The following GALNT13 variants were observed in gnomAD, a reference collection of about 807,000 sequenced individuals.
GALNT13 encodes UDP-GalNAc:polypeptide N-acetylgalactosaminyltransferase 13.
A neutral mutation model predicts 64.2 loss-of-function variants in GALNT13; 28 were observed. The ratio of observed to expected loss-of-function variants is 0.44; its 90% CI spans 0.32 to 0.60. The LOEUF (loss-of-function observed/expected upper bound fraction) is 0.60. Among genes scored for constraint, GALNT13 ranks in the 20% least tolerant of loss-of-function variants. GALNT13 has a pLI of 0.05. For missense variants in GALNT13, 577 were observed against 669.8 expected, an observed-to-expected ratio of 0.86 and a Z score of 1.53; for synonymous variants, 214 against 224.6, an observed-to-expected ratio of 0.95 and a Z score of 0.42.
chr2:153,576,360 T>C, the GALNT13 span, among the ~76,000 whole-genome samples: 5 of 152,276 alleles, frequency 3.3e-5, no homozygotes, highest in South Asian at 1.0e-3. Flanking sequence ...GTACTGCCTT[T>C]CAAGGTTTCT....
the GALNT13 span, among the ~76,000 whole-genome samples, chr2:153,744,262 C>T: frequency 2.2e-3 from 335 of 152,228 alleles, 1 homozygote; most frequent in African/African-American, 6.7e-3. Context: ...AAACTGCTCT[C>T]TATAGTGGTT....
chr2:153,450,783 C>G, the GALNT13 span, among the ~76,000 whole-genome samples: 37 of 152,212 alleles, frequency 2.4e-4, no homozygotes, highest in African/African-American at 8.7e-4. Context: ...TAGCCAGTTG[C>G]AATTGACCAA....
At chr2:154,295,383 C>T (rs1001004794) in intron 8 of GALNT13, among the ~76,000 whole-genome samples, 13 of 23,352 alleles carry the variant, frequency 5.6e-4, no homozygotes, top group African/African-American at 7.8e-4. Context: ...TTTATTTTTG[C>T]GATGGAGTCT....
the GALNT13 span, among the ~76,000 whole-genome samples, chr2:153,497,532 T>TTA: frequency 9.6e-6 from 1 of 104,046 alleles, no homozygotes; most frequent in African/African-American, 4.3e-5. Context: ...ATTTTTTTTT[T>TTA]TTTTTTTTTT....
chr2:153,604,171 C>T, the GALNT13 span, among the ~76,000 whole-genome samples: 3 of 152,036 alleles, frequency 2.0e-5, no homozygotes, highest in Admixed American at 6.6e-5. Flanking sequence ...CTCCTCCTGC[C>T]AAGTAATATT....
At chr2:153,680,220 G>T in the GALNT13 span, among the ~76,000 whole-genome samples, 2 of 151,600 alleles carry the variant, frequency 1.3e-5, no homozygotes, top group African/African-American at 2.4e-5. Context: ...TTGTAAAGTG[G>T]GTAAATATTG....
At chr2:154,007,176 G>T (rs1017043598) in intron 3 of GALNT13, among the ~76,000 whole-genome samples, 1 of 152,256 alleles carries the variant, frequency 6.6e-6, no homozygotes, top group Non-Finnish European at 1.5e-5. Flanking sequence ...ATAGGGCCCT[G>T]TGGCGAGGCA....
the GALNT13 span, among the ~76,000 whole-genome samples, chr2:153,691,177 A>C: frequency 6.6e-6 from 1 of 152,182 alleles, no homozygotes; most frequent in Non-Finnish European, 1.5e-5. Flanking sequence ...TTTATGAATA[A>C]ATCTCTGAAC....
chr2:153,274,670 CCTT>C, the GALNT13 span, among the ~76,000 whole-genome samples: 2 of 152,182 alleles, frequency 1.3e-5, no homozygotes, highest in East Asian at 1.9e-4. Context: ...TGGAGTCTCT[CCTT>C]CTGTCAAAAG....
chr2:153,303,202 T>G, the GALNT13 span, among the ~76,000 whole-genome samples: 2 of 152,116 alleles, frequency 1.3e-5, no homozygotes, highest in Non-Finnish European at 2.9e-5. Context: ...TACTTGCATT[T>G]TCTTCCATTT....
chr2:153,433,662 G>C, the GALNT13 span, among the ~76,000 whole-genome samples: 1 of 152,044 alleles, frequency 6.6e-6, no homozygotes, highest in African/African-American at 2.4e-5. Flanking sequence ...GTTTAGCGGA[G>C]CAGGAATTTT....
chr2:154,095,939 C>T (rs1702052255), intron 3 of GALNT13, among the ~76,000 whole-genome samples: 1 of 151,802 alleles, frequency 6.6e-6, no homozygotes, highest in Admixed American at 6.6e-5. Context: ...CTCTGGATAC[C>T]ACATCTATAA....
the GALNT13 span, among the ~76,000 whole-genome samples, chr2:153,677,967 C>A: frequency 2.6e-5 from 4 of 151,710 alleles, no homozygotes; most frequent in Admixed American, 2.6e-4. Context: ...GGACATAGGT[C>A]CCAGCAAAGA....
the GALNT13 span, among the ~76,000 whole-genome samples, chr2:153,691,245 A>G: frequency 3.3e-5 from 5 of 152,190 alleles, no homozygotes; most frequent in African/African-American, 1.2e-4. Context: ...ATTTTCACTT[A>G]TATAAAGTAT....
chr2:154,191,044 A>G (rs1686549851), intron 4 of GALNT13, among the ~76,000 whole-genome samples: 1 of 152,170 alleles, frequency 6.6e-6, no homozygotes, highest in Non-Finnish European at 1.5e-5. Context: ...CAAATCTACC[A>G]TCCTTAACAT....
rs146970708 is a variant in GALNT13, at chr2:153,949,098, T to C, written c.142+4459T>C. Among the ~76,000 whole-genome samples, 367 of 152,228 alleles carry C rather than the reference T, an allele frequency of 2.4e-3. 3 individuals are homozygous for C. The highest frequency in any genetic ancestry group is 8.3e-3 in the African/African-American group (346 of 41,556). On this transcript the variant is annotated intron_variant, in intron 3 of 12. Transcript: ENST00000392825. The stretch of plus-strand genomic sequence containing the variant: ...TTATAATTTCCTATAGTATTGAGCA[T>C]AGTAACATGTTATACAAGTTTGTAG...
At chr2:154,271,043 A>G (rs149908412) in intron 8 of GALNT13, among the ~76,000 whole-genome samples, 6 of 151,920 alleles carry the variant, frequency 3.9e-5, no homozygotes, top group Admixed American at 6.6e-5. Context: ...CATACACAAG[A>G]TGCAGGGATG....
Position 153,927,042 on chromosome 2 carries a change from TCTTAA to T in GALNT13, c.-104-17346_-104-17342del, listed in dbSNP as rs150961751. Among the ~76,000 whole-genome samples, 815 of 152,192 alleles carry T rather than the reference TCTTAA, an allele frequency of 5.4e-3. 4 individuals carry two copies. The highest frequency in any genetic ancestry group is 0.018 in the African/African-American group (765 of 41,552). On this transcript the variant is annotated intron_variant, in intron 2 of 12. Coordinates refer to ENST00000392825, the MANE Select transcript of GALNT13 (RefSeq NM_052917.4). ...TTTTTAAAAATAGTGTCATAATATC[TCTTAA>T]CTTAAAGTCTTTTCTCAATATGGGG...
the GALNT13 span, among the ~76,000 whole-genome samples, chr2:153,226,933 T>C: frequency 6.6e-6 from 1 of 152,214 alleles, no homozygotes; most frequent in Non-Finnish European, 1.5e-5. Flanking sequence ...GAGTTGGTGT[T>C]GAGCAGGACC....
Sources: gnomAD v4.1 joint callset for allele counts (sites outside exome capture counted in the v4.1 genomes callset) on GRCh38, gnomAD v4.1.1 for gene constraint, MANE v1.5 for transcripts, NCBI Gene and HGNC (gene_info 2026-07-23, HGNC 2026-07-21) for gene names.